The following KSR1 variants were observed in gnomAD, a reference collection of about 807,000 sequenced individuals.
The protein encoded by KSR1 is kinase suppressor of ras.
In KSR1, 35 loss-of-function variants were observed where a neutral mutation model predicts 92.9. The ratio of observed to expected loss-of-function variants is 0.38; its 90% CI spans 0.29 to 0.50. The LOEUF (loss-of-function observed/expected upper bound fraction) is 0.50, where lower values mean the gene tolerates loss of function less well. Ranked by LOEUF, KSR1 falls within the 20% of genes least tolerant of loss-of-function variation. The probability of loss-of-function intolerance (pLI) is 0.94; values close to 1 mark genes in which losing one functional copy is unlikely to be tolerated. For missense variants in KSR1, 972 were observed against 1,158.5 expected (o/e 0.84, Z 2.34); for synonymous variants, 467 against 472.6 (o/e 0.99, Z 0.15).
chr17:27,513,848 A>G (rs538440681), intron 1 of KSR1, among the ~76,000 whole-genome samples: 10 of 152,358 alleles, frequency 6.6e-5, no homozygotes, highest in Admixed American at 5.2e-4. Context: ...CTCATCACAC[A>G]GGTCCTCCAG....
intron 19 of KSR1, among the ~76,000 whole-genome samples, chr17:27,619,663 C>G (rs2074164595): frequency 6.6e-6 from 1 of 151,980 alleles, no homozygotes; most frequent in South Asian, 2.1e-4. Flanking sequence ...TCCCAAAGTG[C>G]TGGGATTACA....
intron 1 of KSR1, among the ~76,000 whole-genome samples, chr17:27,503,465 G>A (rs1193690994): frequency 3.9e-5 from 6 of 152,310 alleles, no homozygotes; most frequent in Admixed American, 6.5e-5. Context: ...TTGGGAGGCC[G>A]AGGTGGGCAA....
At chr17:27,463,714 T>C (rs1354858079) in intron 1 of KSR1, among the ~76,000 whole-genome samples, 1 of 152,220 alleles carries the variant, frequency 6.6e-6, no homozygotes, top group Non-Finnish European at 1.5e-5. Flanking sequence ...CAGGTCTCCC[T>C]GTCCAGAGAC....
intron 2 of KSR1, among the ~76,000 whole-genome samples, chr17:27,570,846 G>A (rs933874973): frequency 4.6e-5 from 7 of 152,146 alleles, no homozygotes; most frequent in African/African-American, 1.7e-4. Context: ...CTCATGGTCC[G>A]CACCTCCAGA....
intron 17 of KSR1, 115 bp downstream of exon 17, chr17:27,610,313 A>C: frequency 7.0e-7 from 1 of 1,434,722 alleles, no homozygotes; most frequent in Non-Finnish European, 9.5e-7. Context: ...GCTCTGGAGT[A>C]AAAAATCAAC....
At chr17:27,620,350 C>T (rs769837785) in intron 19 of KSR1, among the ~76,000 whole-genome samples, 40 of 152,326 alleles carry the variant, frequency 2.6e-4, no homozygotes, top group Non-Finnish European at 4.9e-4. Context: ...GCCAGGGTTC[C>T]ACCAGCAAGG....
At chr17:27,518,656 G>A (rs911676992) in intron 1 of KSR1, among the ~76,000 whole-genome samples, 1 of 152,206 alleles carries the variant, frequency 6.6e-6, no homozygotes, top group Admixed American at 6.5e-5. Context: ...GTGCTGACAA[G>A]TTCTGTGGGA....
At chr17:27,508,713 A>T (rs192876453) in intron 1 of KSR1, among the ~76,000 whole-genome samples, 2 of 141,448 alleles carry the variant, frequency 1.4e-5, no homozygotes, top group Admixed American at 6.9e-5. Flanking sequence ...AATTTTTTTT[A>T]TTTATTTATT....
intron 1 of KSR1, among the ~76,000 whole-genome samples, chr17:27,472,569 G>T (rs1170639560): frequency 1.3e-5 from 2 of 152,212 alleles, no homozygotes; most frequent in Non-Finnish European, 2.9e-5. Flanking sequence ...AGCACTTTGG[G>T]AGGCCGAGGT....
At position 27,559,763 on chromosome 17, in the gene KSR1, C is replaced by T. The variant is rs1374043542; in HGVS notation, c.372+9055C>T. Reference sequence around the variant, plus strand: ...GATGTCCGGGAAGGCAAGAGCACACCAGGCGGAGGGAAGAATATCTGCAGA... The same window carrying T: ...GATGTCCGGGAAGGCAAGAGCACACTAGGCGGAGGGAAGAATATCTGCAGA... On this transcript the variant is annotated intron_variant, in intron 2 of 20. Transcript: ENST00000644974. The surrounding 1 kb of genome is among the most constrained non-coding windows in gnomAD (Gnocchi z 4.2). Among the ~76,000 whole-genome samples, 1 of 152,212 alleles carries T rather than the reference C, an allele frequency of 6.6e-6. No homozygotes were observed. Among genetic ancestry groups the T allele is most frequent in the East Asian group, 1.9e-4 (1 of 5,192 alleles).
intron 14 of KSR1, among the ~76,000 whole-genome samples, chr17:27,606,611 T>C (rs576650734): frequency 2.6e-5 from 4 of 152,036 alleles, no homozygotes; most frequent in Admixed American, 6.6e-5. Context: ...TTTGGGGCAG[T>C]ATGGAGGGAA....
chr17:27,461,616 C>CTT (rs2019441143), intron 1 of KSR1, among the ~76,000 whole-genome samples: 1 of 152,172 alleles, frequency 6.6e-6, no homozygotes, highest in Non-Finnish European at 1.5e-5. Flanking sequence ...ACCCGGGTAA[C>CTT]TTTTTCCCTG....
At chr17:27,481,552 G>A (rs770601383) in intron 1 of KSR1, among the ~76,000 whole-genome samples, 28 of 152,260 alleles carry the variant, frequency 1.8e-4, no homozygotes, top group Admixed American at 1.5e-3. Context: ...GCTTCCTGTC[G>A]TGTGGTTGTG....
chr17:27,535,747 C>G (rs2070730510), intron 1 of KSR1, among the ~76,000 whole-genome samples: 1 of 152,230 alleles, frequency 6.6e-6, no homozygotes, highest in African/African-American at 2.4e-5. Flanking sequence ...AGTCAGCCAG[C>G]AGCTGTGTCA....
intron 2 of KSR1, among the ~76,000 whole-genome samples, chr17:27,566,833 T>G (rs1261886435): frequency 6.6e-6 from 1 of 152,240 alleles, no homozygotes; most frequent in African/African-American, 2.4e-5. Flanking sequence ...TTCCTGCTTT[T>G]GAGTAGGACA....
intron 5 of KSR1, chr17:27,586,129 G>A (rs962810298): frequency 5.8e-6 from 1 of 172,834 alleles, no homozygotes; most frequent in African/African-American, 2.4e-5. Context: ...CAGAAATGTA[G>A]CGCAGCTCTG....
intron 1 of KSR1, among the ~76,000 whole-genome samples, chr17:27,533,090 G>A (rs2070611055): frequency 6.6e-6 from 1 of 152,186 alleles, no homozygotes. Flanking sequence ...AGTCATTTAA[G>A]GAAGTAATGT....
Position 27,500,799 on chromosome 17 carries a change from C to T in KSR1, c.231+43925C>T, listed in dbSNP as rs116301195. Among the ~76,000 whole-genome samples, 389 of 152,190 alleles carry T rather than the reference C, an allele frequency of 2.6e-3. 3 individuals carry two copies. Among genetic ancestry groups the T allele is most frequent in the African/African-American group, 8.9e-3 (368 of 41,508 alleles). On this transcript the variant is annotated intron_variant, in intron 1 of 20. Coordinates refer to ENST00000644974, the MANE Select transcript of KSR1 (RefSeq NM_001394583.1). ...CACCTTCAGGGATTGGGGCCCTCTG[C>T]GAGTAGCGGGGGCAAAGGGTGCTGC... is the stretch of plus-strand genomic sequence containing the variant.
Position 27,501,292 on chromosome 17 carries a change from C to CTTTTTTTT in KSR1, c.231+44436_231+44443dup. 4.9e-3 allele frequency among the ~76,000 whole-genome samples: 245 copies of CTTTTTTTT among 49,732 alleles called. 1 individual carries two copies. Among genetic ancestry groups the CTTTTTTTT allele is most frequent in the African/African-American group, 7.0e-3 (85 of 12,226 alleles). The allele number at this position is 49,732 out of a possible 152,430, so 32.6% of individuals were successfully genotyped here. A position where few individuals can be genotyped will look rare whatever the true frequency, so the allele number is the denominator to read the frequency against. On this transcript the variant is annotated intron_variant, in intron 1 of 20. Transcript: ENST00000644974. ...TTTTTTTTTTTTAATTTCTTTTCTT[C>CTTTTTTTT]TTTTTTTTTTTTTTTTTTTTTTTTT...
Sources: gnomAD v4.1 joint callset for allele counts (sites outside exome capture counted in the v4.1 genomes callset) on GRCh38, gnomAD v4.1.1 for gene constraint, Gnocchi (gnomAD v3.1) non-coding constraint, MANE v1.5 for transcripts, NCBI Gene and HGNC (gene_info 2026-07-23, HGNC 2026-07-21) for gene names.